Variants in ERG observed in about 807,000 individuals in gnomAD.
ERG encodes the protein transcriptional regulator ERG.
A neutral mutation model predicts 55.3 loss-of-function variants in ERG; 9 were observed. That is an observed-to-expected ratio of 0.16 (90% CI 0.10 to 0.28). The LOEUF (loss-of-function observed/expected upper bound fraction) is 0.28, where lower values mean the gene tolerates loss of function less well. Ranked by LOEUF, ERG falls within the 10% of genes least tolerant of loss-of-function variation. ERG has a pLI of 1.00. For synonymous variants in ERG, 223 were observed against 237.3 expected, an observed-to-expected ratio of 0.94 and a Z score of 0.55; for missense variants, 434 against 631.6, an observed-to-expected ratio of 0.69 and a Z score of 3.35.
intron 2 of ERG, among the ~76,000 whole-genome samples, chr21:38,518,282 AT>A (rs2059568236): frequency 6.6e-6 from 1 of 151,160 alleles, no homozygotes; most frequent in African/African-American, 2.4e-5. Flanking sequence ...CTATCTATCT[AT>A]CTATCTATTT....
intron 1 of ERG, among the ~76,000 whole-genome samples, chr21:38,461,979 T>C (rs1448993672): frequency 6.6e-6 from 1 of 150,656 alleles, no homozygotes; most frequent in Non-Finnish European, 1.5e-5. Flanking sequence ...TAATTTTTTT[T>C]TCTTTTTCTT....
intron 2 of ERG, among the ~76,000 whole-genome samples, chr21:38,431,485 A>G (rs1161543603): frequency 2.0e-5 from 3 of 152,236 alleles, no homozygotes; most frequent in Admixed American, 6.5e-5. Flanking sequence ...AAAAATACAT[A>G]TAAGACAAAA....
chr21:38,575,653 G>A (rs750559719), intron 2 of ERG: 41 of 1,611,612 alleles, frequency 2.5e-5, no homozygotes, highest in South Asian at 5.5e-5. Context: ...CAGCCAAGAC[G>A]GGACTTACCT....
chr21:38,476,170 T>C (rs1187842449), intron 1 of ERG, among the ~76,000 whole-genome samples: 2 of 152,066 alleles, frequency 1.3e-5, no homozygotes, highest in Admixed American at 6.6e-5. Context: ...ACAGAACTCC[T>C]CGCTGCTTAG....
chr21:38,425,457 G>A (rs538139224), intron 2 of ERG, among the ~76,000 whole-genome samples: 1 of 152,202 alleles, frequency 6.6e-6, no homozygotes, highest in Admixed American at 6.5e-5. Flanking sequence ...AGAAAATCCA[G>A]CTTAAGCAGA....
At chr21:38,487,447 T>C (rs2059296890) in intron 1 of ERG, among the ~76,000 whole-genome samples, 1 of 152,188 alleles carries the variant, frequency 6.6e-6, no homozygotes, top group Admixed American at 6.5e-5. Context: ...CTGTATTTGC[T>C]ACAGGCTAAA....
At chr21:38,502,990 G>A (rs2059432349), upstream of ERG, among the ~76,000 whole-genome samples, 1 of 152,116 alleles carries the variant, frequency 6.6e-6, no homozygotes, top group African/African-American at 2.4e-5. Flanking sequence ...CTCCCAAAGT[G>A]CTGGGATTAC....
At chr21:38,470,557 C>T (rs940596846) in intron 1 of ERG, among the ~76,000 whole-genome samples, 1 of 152,188 alleles carries the variant, frequency 6.6e-6, no homozygotes, top group African/African-American at 2.4e-5. Context: ...TGACCATCTA[C>T]ACAGTGGATA....
downstream of ERG, among the ~76,000 whole-genome samples, chr21:38,377,302 T>C (rs1024897142): frequency 6.6e-6 from 1 of 152,238 alleles, no homozygotes; most frequent in African/African-American, 2.4e-5. Flanking sequence ...TCTTTGGACC[T>C]GAAAGCTTAA....
In ERG at chr21:38,429,452, C is replaced by G. The variant is rs62217935; in HGVS notation, c.237-5891G>C. On this transcript the variant is annotated intron_variant, in intron 2 of 9. Transcript: ENST00000288319. ...GTGTATACATGTATACACGTGTACA[C>G]ATGTACATATACACATATGTGTATA... 2.9e-5 allele frequency among the ~76,000 whole-genome samples: 4 copies of G among 139,954 alleles called. 1 individual carries two copies. Among genetic ancestry groups the G allele is most frequent in the Non-Finnish European group, 6.3e-5 (4 of 63,366 alleles). 91.8% of individuals were successfully genotyped at this position (139,954 alleles called of 152,430 possible).
chr21:38,483,491 A>C (rs1166988185), intron 1 of ERG, among the ~76,000 whole-genome samples: 2 of 152,238 alleles, frequency 1.3e-5, no homozygotes, highest in Admixed American at 6.5e-5. Context: ...ATTTGTTAAT[A>C]TAAGTGGTAT....
intron 1 of ERG, among the ~76,000 whole-genome samples, chr21:38,620,172 G>A (rs967535241): frequency 2.6e-5 from 4 of 152,240 alleles, no homozygotes; most frequent in Admixed American, 6.5e-5. Context: ...GCATAAGCTA[G>A]TGCCTTCAGC....
At chr21:38,648,172 T>A (rs926243138) in intron 1 of ERG, among the ~76,000 whole-genome samples, 14 of 152,346 alleles carry the variant, frequency 9.2e-5, no homozygotes, top group Admixed American at 7.2e-4. Context: ...AAGCAAGTAT[T>A]TAATCTCGCT....
intron 2 of ERG, 97 bp downstream of exon 2, chr21:38,445,307 G>C (rs2058881013): frequency 1.0e-6 from 1 of 964,732 alleles, no homozygotes; most frequent in Non-Finnish European, 1.6e-6. Flanking sequence ...TGCTTTCTAA[G>C]TCAATCTTTA....
Position 38,480,591 on chromosome 21 carries a change from C to CTTTTTTTTTTTTTTTTTTT in ERG, c.18+17753_18+17771dup, listed in dbSNP as rs544037525. On this transcript the variant is annotated intron_variant, in intron 1 of 9. Coordinates refer to ENST00000288319, the MANE Select transcript of ERG (RefSeq NM_182918.4). ...TTGCCACTTTAGGGCACTATATGGC[C>CTTTTTTTTTTTTTTTTTTT]TTTTTTTTTTTTTTTTTTTTTTTGC... is the stretch of plus-strand genomic sequence containing the variant. Among the ~76,000 whole-genome samples the CTTTTTTTTTTTTTTTTTTT allele has an allele frequency of 7.4e-4, 38 of 51,118 alleles. 6 individuals are homozygous for CTTTTTTTTTTTTTTTTTTT. The highest frequency in any genetic ancestry group is 1.2e-3 in the African/African-American group (15 of 12,856). The allele number at this position is 51,118 out of a possible 152,430, so 33.5% of individuals were successfully genotyped here.
intron 1 of ERG, among the ~76,000 whole-genome samples, chr21:38,591,385 T>C (rs1164131625): frequency 6.6e-6 from 1 of 152,140 alleles, no homozygotes; most frequent in Non-Finnish European, 1.5e-5. Flanking sequence ...ATAGAAGAAG[T>C]TGAGCAACAA....
At chr21:38,589,137 C>T (rs539650970), upstream of ERG, among the ~76,000 whole-genome samples, 211 of 152,294 alleles carry the variant, frequency 1.4e-3, no homozygotes, top group African/African-American at 5.0e-3. Flanking sequence ...GTGTAAGCAG[C>T]AGTGAATATT....
chr21:38,457,278 T>C (rs201079328), intron 1 of ERG, among the ~76,000 whole-genome samples: 1 of 151,798 alleles, frequency 6.6e-6, no homozygotes, highest in East Asian at 1.9e-4. Flanking sequence ...CTACTAAAAA[T>C]ACAAAAAATT....
intron 2 of ERG, among the ~76,000 whole-genome samples, chr21:38,556,710 T>G (rs1354511434): frequency 6.6e-6 from 1 of 152,076 alleles, no homozygotes; most frequent in Non-Finnish European, 1.5e-5. Context: ...AAGAAAGGCT[T>G]CTGAGGACAC....
Sources: allele counts gnomAD v4.1 joint callset (sites outside exome capture counted in the v4.1 genomes callset), GRCh38; gene constraint gnomAD v4.1.1; transcripts MANE v1.5; gene names NCBI Gene and HGNC (gene_info 2026-07-23, HGNC 2026-07-21).